INTS1: variants seen among roughly 807,000 people sequenced by gnomAD.
The protein encoded by INTS1 is integrator complex subunit 1.
Under a neutral mutation model 241.6 loss-of-function variants are expected in INTS1, and 137 were observed. That is an observed-to-expected ratio of 0.57 (90% CI 0.49 to 0.65). INTS1 has a LOEUF of 0.65. Ranked by LOEUF, INTS1 falls within the 30% of genes least tolerant of loss-of-function variation. The pLI, the probability that INTS1 is intolerant of heterozygous loss-of-function variation, is 0.00. For missense variants in INTS1, 3,073 were observed against 3,032.2 expected (o/e 1.01, Z -0.32); for synonymous variants, 1,692 against 1,337.8 (o/e 1.26, Z -5.78).
intron 33 of INTS1, 124 bp downstream of exon 33, chr7:1,478,242 G>A (rs1035483536): frequency 9.0e-7 from 1 of 1,110,424 alleles, no homozygotes; most frequent in East Asian, 2.6e-5. Context: ...GGACCTCTGT[G>A]GGCACTTTCC....
chr7:1,493,746 A>T lies in INTS1; in HGVS notation c.2068+8T>A. On this transcript the variant is annotated splice_region_variant and intron_variant, in intron 15 of 47. Transcript: ENST00000404767. This position sits in a 1 kb window ranked among gnomAD's most constrained non-coding sequence, Gnocchi z 5.3. ...CAGCACAGGCGCCATCCCCTGCAGA[A>T]GCCATACCATCCGCCTGCACGGCAG... The T allele has an allele frequency of 6.4e-7, 1 of 1,572,884 alleles. No individual in the cohort carries two copies. The highest frequency in any genetic ancestry group is 8.6e-7 in the Non-Finnish European group (1 of 1,160,864).
At position 1,474,842 on chromosome 7, in the gene INTS1, C is replaced by T; in HGVS notation, c.5503-4G>A. On this transcript the variant is annotated splice_polypyrimidine_tract_variant and splice_region_variant and intron_variant, in intron 39 of 47. Coordinates refer to ENST00000404767, the MANE Select transcript of INTS1 (RefSeq NM_001080453.3). ...AGCGGTGGATGAGTCCGTCCAGCTG[C>T]AGGGAGGGGCGCTCTGAGGCCGGGG... 1 of 1,582,298 alleles carries T rather than the reference C, an allele frequency of 6.3e-7. No individual in the cohort carries two copies.
chr7:1,480,801 G>A, intron 29 of INTS1, 34 bp downstream of exon 29: 1 of 1,499,030 alleles, frequency 6.7e-7, no homozygotes, highest in Non-Finnish European at 9.1e-7. Context: ...TCCCCAGGCT[G>A]GGTCTCTGTG....
rs200312224 is a variant in INTS1 at position 1,471,600 on chromosome 7, G to A, written c.6226C>T (p.Arg2076Trp). 119 of 1,612,212 alleles carry A rather than the reference G, an allele frequency of 7.4e-5. No homozygotes were observed. Among genetic ancestry groups the A allele is most frequent in the Non-Finnish European group, 9.4e-5 (111 of 1,179,778 alleles). The change falls in exon 45 of 48, where the codon CGG becomes TGG. Residue 2076 changes from arginine to tryptophan, a missense_variant. Coordinates refer to ENST00000404767, the MANE Select transcript of INTS1 (RefSeq NM_001080453.3). ...VLSDIDEMSR[R>W]RPEILSFFST... ...AAGAAGCTCAGGATCTCGGGTCTCC[G>A]CCGGGACATCTCGTCTATGTCACTC...
chr7:1,470,489 AGCAACGCCCAC>A lies in INTS1; in HGVS notation c.*77_*87del, dbSNP rs1781402521. On this transcript the variant is annotated 3_prime_UTR_variant, in exon 48 of 48. Transcript: ENST00000404767. ...GCGCCCTCACCTCCTCGGACAGACCAGCAACGCCCACGCTTCCTGGGCTTTGCCTCGAGGAT... is the reference window on the plus strand; with the variant it reads ...GCGCCCTCACCTCCTCGGACAGACCAGCTTCCTGGGCTTTGCCTCGAGGAT... 1.9e-6 allele frequency: 2 copies of A among 1,046,316 alleles called. No homozygotes were observed. Among genetic ancestry groups the A allele is most frequent in the African/African-American group, 3.2e-5 (2 of 62,328 alleles). The allele number at this position is 1,046,316 out of a possible 1,614,324, so 64.8% of individuals were successfully genotyped here.
In INTS1 at chr7:1,477,821, C is replaced by T; in HGVS notation, c.4746G>A (p.Val1582=). The T allele has an allele frequency of 6.2e-7, 1 of 1,612,606 alleles. No individual in the cohort carries two copies. Residue 1582 remains valine (V), a synonymous_variant, in exon 34 of 48, where the codon GTG becomes GTA. Transcript: ENST00000404767. ...SPFPACKPVV[V]VSSLLLQEEE... is the part of the protein sequence containing the mutation. ...CCTCCTGCAGCAGCAGGGAGCTCAC[C>T]ACCACAACGGGCTTACAGGCTGGAA...
At position 1,474,149 on chromosome 7, in the gene INTS1, G is replaced by GGGCGGCGGGAGCACACACCAGCAGCA; in HGVS notation, c.5822_5829+18dup. The GGGCGGCGGGAGCACACACCAGCAGCA allele has an allele frequency of 6.5e-7, 1 of 1,541,190 alleles. No homozygotes were observed. Among genetic ancestry groups the GGGCGGCGGGAGCACACACCAGCAGCA allele is most frequent in the Non-Finnish European group, 8.7e-7 (1 of 1,146,930 alleles). On this transcript the variant is annotated intron_variant, in intron 41 of 47. Transcript: ENST00000404767. ...AGGGAGTGGAAGGGAGCGCGAGGGC[G>GGGCGGCGGGAGCACACACCAGCAGCA]GGCGGCGGGAGCACACACCAGCAGC...
Position 1,486,985 on chromosome 7 carries a change from A to G in INTS1, c.2763T>C (p.Asp921=). The G allele has an allele frequency of 6.2e-7, 1 of 1,608,410 alleles. No homozygotes were observed. The highest frequency in any genetic ancestry group is 8.5e-7 in the Non-Finnish European group (1 of 1,179,328). The change falls in exon 21 of 48, where the codon GAT becomes GAC. Residue 921 remains aspartate (D), a synonymous_variant. Transcript: ENST00000404767. ...CEFLLHDAVD[D]AASGEEDDEG... The stretch of plus-strand genomic sequence containing the variant: ...CGTCGTCCTCCTCCCCGGAAGCAGC[A>G]TCGTCCACAGCATCGTGCAGCAGGA...
At chr7:1,486,289 G>C (rs1032422388) in intron 22 of INTS1, among the ~76,000 whole-genome samples, 2 of 150,152 alleles carry the variant, frequency 1.3e-5, no homozygotes, top group Non-Finnish European at 3.0e-5. Flanking sequence ...TTTTGAGATG[G>C]AGTTTCACTT....
intron 31 of INTS1, 79 bp downstream of exon 31, chr7:1,479,351 C>G (rs1781882781): frequency 5.4e-6 from 8 of 1,471,160 alleles, no homozygotes; most frequent in Middle Eastern, 2.2e-4. Context: ...GAGGAGCAGT[C>G]ACAGGACACC....
At chr7:1,478,703 T>A (rs769151524) in intron 32 of INTS1, 23 bp downstream of exon 32, 9 of 1,532,050 alleles carry the variant, frequency 5.9e-6, no homozygotes, top group Middle Eastern at 2.1e-4. Context: ...CCCAGCCGTC[T>A]GCCAGCCCGG....
intron 16 of INTS1, 83 bp from the exon 17 acceptor site, chr7:1,489,765 G>A: frequency 2.0e-6 from 2 of 985,514 alleles, no homozygotes; most frequent in South Asian, 1.7e-5. Flanking sequence ...GCAAAGCTGG[G>A]GCAGGGACGG....
intron 16 of INTS1, among the ~76,000 whole-genome samples, chr7:1,491,898 G>A (rs909916463): frequency 5.9e-5 from 9 of 152,192 alleles, no homozygotes; most frequent in Non-Finnish European, 1.0e-4. Context: ...GCAAGACTCC[G>A]TTCCCCACAA....
rs1262774033 is a variant in INTS1, at chr7:1,497,933, G to A, written c.1425+479C>T. Among the ~76,000 whole-genome samples, 1 of 152,228 alleles carries A rather than the reference G, an allele frequency of 6.6e-6. No homozygotes were observed. Among genetic ancestry groups the A allele is most frequent in the African/African-American group, 2.4e-5 (1 of 41,460 alleles). ...CCCAATGCACAGGAGGCGGGTCTGG[G>A]CCAGGCACAGGGGCTCATGCCTGTC... On this transcript the variant is annotated intron_variant, in intron 10 of 47. Transcript: ENST00000404767. The surrounding 1 kb of genome is among the most constrained non-coding windows in gnomAD (Gnocchi z 5.3).
intron 42 of INTS1, 88 bp from the exon 43 acceptor site, chr7:1,473,272 G>A (rs369742659): frequency 6.1e-5 from 54 of 889,722 alleles, no homozygotes; most frequent in African/African-American, 5.9e-4. Flanking sequence ...GCATGGGAGC[G>A]TGTGGACACA....
At chr7:1,483,571 C>T (rs560427966) in intron 26 of INTS1, 171 bp downstream of exon 26, 20 of 659,856 alleles carry the variant, frequency 3.0e-5, no homozygotes, top group South Asian at 1.6e-4. Context: ...CTCAGAGACA[C>T]GCGGGACGGA....
chr7:1,476,247 A>T lies in INTS1; in HGVS notation c.5360T>A (p.Ile1787Asn). Residue 1787 changes from isoleucine to asparagine, a missense_variant, in exon 38 of 48, where the codon ATC (isoleucine) becomes AAC (asparagine). Transcript: ENST00000404767. ...TGAGCACCTGTCTCCCCACTGCTGG[A>T]TGCAGCCTGACAGGTGCTCCGTCAC... ...RKVTEHLSGCIQQWGDSVLGR... is the reference protein window; with the variant it reads ...RKVTEHLSGCNQQWGDSVLGR... 1 of 1,559,896 alleles carries T rather than the reference A, an allele frequency of 6.4e-7. No homozygotes were observed. The highest frequency in any genetic ancestry group is 8.7e-7 in the Non-Finnish European group (1 of 1,153,468).
rs373056961 is a variant in INTS1 at position 1,499,172 on chromosome 7, G to A, written c.951-11C>T. 49 of 1,607,432 alleles carry A rather than the reference G, an allele frequency of 3.0e-5. No individual in the cohort carries two copies. In the African/African-American group the frequency reaches 4.5e-4, roughly 15 times the overall value. ...GCGAGCTCTTCGTACCTAGGCCAGA[G>A]GAGGGAGCGAGGAGGGAGGAAGGTG... is the stretch of plus-strand genomic sequence containing the variant. On this transcript the variant is annotated splice_polypyrimidine_tract_variant and intron_variant, in intron 7 of 47. Coordinates refer to ENST00000404767, the MANE Select transcript of INTS1 (RefSeq NM_001080453.3).
chr7:1,490,520 C>T (rs1476206450), intron 16 of INTS1, among the ~76,000 whole-genome samples: 1 of 151,976 alleles, frequency 6.6e-6, no homozygotes, highest in East Asian at 1.9e-4. Context: ...TCTGGATAAA[C>T]GGGAACCCTT....
Sources: allele counts gnomAD v4.1 joint callset (sites outside exome capture counted in the v4.1 genomes callset), GRCh38; gene constraint gnomAD v4.1.1; non-coding constraint Gnocchi (gnomAD v3.1); transcripts MANE v1.5; gene names NCBI Gene and HGNC (gene_info 2026-07-23, HGNC 2026-07-21).